Variants in LIN28A observed in about 807,000 individuals in gnomAD.
The protein encoded by LIN28A is lin-28 RNA binding posttranscriptional regulator A.
A neutral mutation model predicts 21.1 loss-of-function variants in LIN28A; 11 were observed. That is an observed-to-expected ratio of 0.52 (90% confidence interval 0.33 to 0.86). The LOEUF is 0.86. LIN28A is among the 40% of genes least tolerant of loss of function. The pLI is 0.03. For missense variants in LIN28A, 219 were observed against 279.8 expected, an observed-to-expected ratio of 0.78 and a Z score of 1.55; for synonymous variants, 111 against 108.7, an observed-to-expected ratio of 1.02 and a Z score of -0.13.
Position 26,411,445 on chromosome 1 carries a change from G to A in LIN28A, c.91G>A (p.Ala31Thr). The A allele has an allele frequency of 6.2e-7, 1 of 1,609,970 alleles. No homozygotes were observed. Among genetic ancestry groups the A allele is most frequent in the Non-Finnish European group, 8.5e-7 (1 of 1,178,232 alleles). The change falls in exon 2 of 4, where the codon GCG becomes ACG. Residue 31 changes from alanine to threonine, a missense_variant. Coordinates refer to ENST00000326279, the MANE Select transcript of LIN28A (RefSeq NM_024674.6). This position sits in a 1 kb window ranked among gnomAD's most constrained non-coding sequence, Gnocchi z 5.4. ...PEEAPEDAAR[A>T]ADEPQLLHGA... ...GGAGGCGCCGGAGGACGCGGCCCGG[G>A]CGGCGGACGAGCCTCAGCTGCTGCA...
chr1:26,425,798 G>A (rs150148279), intron 3 of LIN28A, among the ~76,000 whole-genome samples: 1 of 152,182 alleles, frequency 6.6e-6, no homozygotes, highest in Non-Finnish European at 1.5e-5. Flanking sequence ...GCAAATGGTG[G>A]GACAAGACAG....
At position 26,411,442 on chromosome 1, in the gene LIN28A, C is replaced by A. The variant is rs1362913936; in HGVS notation, c.88C>A (p.Arg30=). The A allele has an allele frequency of 6.2e-7, 1 of 1,608,674 alleles. No individual in the cohort carries two copies. Among genetic ancestry groups the A allele is most frequent in the Non-Finnish European group, 8.5e-7 (1 of 1,177,772 alleles). ...CGAGGAGGCGCCGGAGGACGCGGCC[C>A]GGGCGGCGGACGAGCCTCAGCTGCT... The part of the protein sequence containing the change: ...APEEAPEDAA[R]AADEPQLLHG... The change falls in exon 2 of 4, where the codon CGG becomes AGG. Residue 30 remains arginine (R), a synonymous_variant. Transcript: ENST00000326279. The surrounding 1 kb of genome is among the most constrained non-coding windows in gnomAD (Gnocchi z 5.4).
rs1175097210 is a variant in LIN28A, at chr1:26,426,773, G to A, written c.*315G>A. 42 of 318,478 alleles carry A rather than the reference G, an allele frequency of 1.3e-4. No individual in the cohort carries two copies. In the South Asian group the frequency reaches 1.3e-3, roughly 10 times the overall value. 19.7% of individuals were successfully genotyped at this position (318,478 alleles called of 1,614,324 possible). A position where few individuals can be genotyped will look rare whatever the true frequency, so the allele number is the denominator to read the frequency against. On this transcript the variant is annotated 3_prime_UTR_variant, in exon 4 of 4. Transcript: ENST00000326279. ...TGAAAGTGGCCTGGATAGGGAAGTT[G>A]TTTTCCTTTTAAAGAAGGATATATA...
rs202211941 is a variant in LIN28A, at chr1:26,411,619, C to G, written c.228+37C>G. ...TCCGGTAACTTTGCCCAGGGAAGGG[C>G]GTCTAGGCGCCCATATCCACGGGTG... On this transcript the variant is annotated intron_variant, in intron 2 of 3. Transcript: ENST00000326279. The surrounding 1 kb of genome is among the most constrained non-coding windows in gnomAD (Gnocchi z 5.4). 4.1e-5 allele frequency: 65 copies of G among 1,592,858 alleles called. No individual in the cohort carries two copies. In the East Asian group the frequency reaches 1.3e-3, roughly 32 times the overall value.
At chr1:26,425,613 C>CT in intron 3 of LIN28A, 126 bp downstream of exon 3, 1 of 862,874 alleles carries the variant, frequency 1.2e-6, no homozygotes, top group Non-Finnish European at 1.8e-6. Flanking sequence ...ATCTGGAAGG[C>CT]TGAGCGCCTG....
intron 2 of LIN28A, among the ~76,000 whole-genome samples, chr1:26,413,263 A>T (rs999557220): frequency 6.6e-6 from 1 of 152,106 alleles, no homozygotes; most frequent in Non-Finnish European, 1.5e-5. Context: ...GTCAGACCCA[A>T]CGTTTTCTCA....
chr1:26,418,438 C>T (rs894372758), intron 2 of LIN28A, among the ~76,000 whole-genome samples: 5 of 151,594 alleles, frequency 3.3e-5, no homozygotes, highest in Non-Finnish European at 5.9e-5. Flanking sequence ...CCCAGCTACT[C>T]GGCAGGCTGA....
At chr1:26,416,101 T>C (rs918194885) in intron 2 of LIN28A, among the ~76,000 whole-genome samples, 1 of 152,204 alleles carries the variant, frequency 6.6e-6, no homozygotes, top group African/African-American at 2.4e-5. Context: ...CAAGCAATTC[T>C]CCTGCCTCAG....
intron 2 of LIN28A, among the ~76,000 whole-genome samples, chr1:26,413,756 A>C (rs1015110547): frequency 1.7e-4 from 26 of 149,576 alleles, no homozygotes; most frequent in Admixed American, 9.3e-4. Flanking sequence ...CCCCACCTTA[A>C]CCGTAAGTTA....
intron 2 of LIN28A, among the ~76,000 whole-genome samples, chr1:26,420,561 G>A (rs1216774300): frequency 7.0e-6 from 1 of 143,488 alleles, no homozygotes; most frequent in Non-Finnish European, 1.5e-5. Context: ...CTGAGATCGT[G>A]TCACTGCACT....
At chr1:26,417,331 GAC>G (rs2074999790) in intron 2 of LIN28A, among the ~76,000 whole-genome samples, 2 of 152,136 alleles carry the variant, frequency 1.3e-5, no homozygotes, top group African/African-American at 4.8e-5. Context: ...CAACCTCCTT[GAC>G]ACACACCCTC....
chr1:26,411,443 G>A lies in LIN28A; in HGVS notation c.89G>A (p.Arg30Gln). ...APEEAPEDAA[R>Q]AADEPQLLHG... ...GAGGAGGCGCCGGAGGACGCGGCCC[G>A]GGCGGCGGACGAGCCTCAGCTGCTG... The change falls in exon 2 of 4, where the codon CGG becomes CAG. Residue 30 changes from arginine (R) to glutamine (Q), a missense_variant. Physicochemically the swap from Arg to Gln is conservative, Grantham distance 43. Coordinates refer to ENST00000326279, the MANE Select transcript of LIN28A (RefSeq NM_024674.6). This position sits in a 1 kb window ranked among gnomAD's most constrained non-coding sequence, Gnocchi z 5.4. 1 of 1,609,244 alleles carries A rather than the reference G, an allele frequency of 6.2e-7. No individual in the cohort carries two copies. The highest frequency in any genetic ancestry group is 2.2e-5 in the East Asian group (1 of 44,650).
chr1:26,425,605 C>G (rs1198733232), intron 3 of LIN28A, 118 bp downstream of exon 3: 1 of 969,124 alleles, frequency 1.0e-6, no homozygotes, highest in Non-Finnish European at 1.5e-6. Flanking sequence ...CTGGCAGCAT[C>G]TGGAAGGCTG....
At chr1:26,415,497 A>G (rs946945296) in intron 2 of LIN28A, among the ~76,000 whole-genome samples, 1 of 152,196 alleles carries the variant, frequency 6.6e-6, no homozygotes, top group Admixed American at 6.5e-5. Context: ...GGAGGAACTT[A>G]GCTGCCTGGT....
Position 26,411,293 on chromosome 1 carries a change from G to A in LIN28A, c.32-93G>A, listed in dbSNP as rs2074957212. 2 of 1,248,160 alleles carry A rather than the reference G, an allele frequency of 1.6e-6. No individual in the cohort carries two copies. The highest frequency in any genetic ancestry group is 3.1e-5 in the South Asian group (2 of 64,140). The allele number at this position is 1,248,160 out of a possible 1,614,324, so 77.3% of individuals were successfully genotyped here. A position where few individuals can be genotyped will look rare whatever the true frequency, so the allele number is the denominator to read the frequency against. ...TGCCCCCTCCTGGCTGTCCACTTGTGGGGCTGGATACTCGGGTCTCCCTGC... is the reference window on the plus strand; with the variant it reads ...TGCCCCCTCCTGGCTGTCCACTTGTAGGGCTGGATACTCGGGTCTCCCTGC... On this transcript the variant is annotated intron_variant, in intron 1 of 3. Transcript: ENST00000326279. This position sits in a 1 kb window ranked among gnomAD's most constrained non-coding sequence, Gnocchi z 5.4.
intron 2 of LIN28A, among the ~76,000 whole-genome samples, chr1:26,418,281 T>C (rs1249628393): frequency 1.3e-5 from 2 of 152,036 alleles, no homozygotes. Context: ...GCGCGGTGGC[T>C]CACGCCTGTA....
intron 2 of LIN28A, among the ~76,000 whole-genome samples, chr1:26,423,298 C>T (rs1298274414): frequency 6.6e-6 from 1 of 151,960 alleles, no homozygotes; most frequent in African/African-American, 2.4e-5. Context: ...ACCTCAGCCT[C>T]CCCAAAGTGC....
chr1:26,411,539 C>G lies in LIN28A; in HGVS notation c.185C>G (p.Ala62Gly). ...GGCTTCCTGTCCATGACCGCCCGCG[C>G]CGGGGTCGCGCTCGACCCCCCAGTG... Reference protein sequence around the residue: ...GFGFLSMTARAGVALDPPVDV... With the variant: ...GFGFLSMTARGGVALDPPVDV... The change falls in exon 2 of 4, where the codon GCC becomes GGC. Residue 62 changes from alanine (A) to glycine (G), a missense_variant. By Grantham distance (60) the Ala-to-Gly change is moderately conservative. Coordinates refer to ENST00000326279, the MANE Select transcript of LIN28A (RefSeq NM_024674.6). This position sits in a 1 kb window ranked among gnomAD's most constrained non-coding sequence, Gnocchi z 5.4. The G allele has an allele frequency of 6.2e-7, 1 of 1,613,896 alleles. No homozygotes were observed. The highest frequency in any genetic ancestry group is 8.5e-7 in the Non-Finnish European group (1 of 1,179,926).
At chr1:26,416,916 G>C (rs2124290106) in intron 2 of LIN28A, among the ~76,000 whole-genome samples, 1 of 152,248 alleles carries the variant, frequency 6.6e-6, no homozygotes, top group East Asian at 1.9e-4. Context: ...CACCATGACT[G>C]GCCCAGCGTG....
Sources: allele counts gnomAD v4.1 joint callset (sites outside exome capture counted in the v4.1 genomes callset), GRCh38; gene constraint gnomAD v4.1.1; non-coding constraint Gnocchi (gnomAD v3.1); transcripts MANE v1.5; gene names NCBI Gene and HGNC (gene_info 2026-07-23, HGNC 2026-07-21).